The following ZZEF1 variants were observed in gnomAD, a reference collection of about 807,000 sequenced individuals.
ZZEF1 encodes the protein zinc finger ZZ-type and EF-hand domain-containing protein 1.
In ZZEF1, 157 loss-of-function variants were observed where a neutral mutation model predicts 342.8. The observed-to-expected ratio is 0.46, with a 90% CI of 0.40 to 0.52. ZZEF1 has a LOEUF of 0.52. Ranked by LOEUF, ZZEF1 falls within the 20% of genes least tolerant of loss-of-function variation. The pLI, the probability that ZZEF1 is intolerant of heterozygous loss-of-function variation, is 0.00. For missense variants in ZZEF1, 3,480 were observed against 3,725.6 expected (o/e 0.93, Z 1.72); for synonymous variants, 1,505 against 1,429.1 (o/e 1.05, Z -1.20).
chr17:4,010,743 A>AAG (rs2055929780), intron 52 of ZZEF1, among the ~76,000 whole-genome samples: 1 of 117,898 alleles, frequency 8.5e-6, no homozygotes, highest in African/African-American at 3.1e-5. Flanking sequence ...AAAGAAAAAG[A>AAG]AAAAAGAAAA....
chr17:4,048,927 C>T (rs899339048), intron 37 of ZZEF1, among the ~76,000 whole-genome samples: 63 of 145,552 alleles, frequency 4.3e-4, no homozygotes, highest in Admixed American at 1.2e-3. Context: ...ACCCTGTTGG[C>T]CAGGCTGGTC....
In ZZEF1 at chr17:4,070,654, G is replaced by T. The variant is rs534182427; in HGVS notation, c.4075+30C>A. On this transcript the variant is annotated intron_variant, in intron 26 of 54. Coordinates refer to ENST00000381638, the MANE Select transcript of ZZEF1 (RefSeq NM_015113.4). ...CTTAAAACTTAGCAATTAGCCTTCA[G>T]ATCAAAAATATTCCCTGTAATAAAG... 4 of 1,601,626 alleles carry T rather than the reference G, an allele frequency of 2.5e-6. No individual in the cohort carries two copies. In the South Asian group the frequency reaches 4.5e-5, roughly 18 times the overall value.
chr17:4,109,686 G>C lies in ZZEF1; in HGVS notation c.1244C>G (p.Pro415Arg), dbSNP rs1009342927. 5 of 1,613,994 alleles carry C rather than the reference G, an allele frequency of 3.1e-6. No homozygotes were observed. Among genetic ancestry groups the C allele is most frequent in the Non-Finnish European group, 4.2e-6 (5 of 1,180,012 alleles). ...SLVTASMETN[P>R]AFVQTVLHNT... ...GTGCAGCACTGTCTGGACAAAGGCG[G>C]GATTTGTCTCCATAGAAGCCGTCAC... The change falls in exon 6 of 55, where the codon CCC (proline) becomes CGC (arginine). Residue 415 changes from proline to arginine, a missense_variant. Pro to Arg is a moderately radical substitution (Grantham distance 103, BLOSUM62 -2). Coordinates refer to ENST00000381638, the MANE Select transcript of ZZEF1 (RefSeq NM_015113.4).
At chr17:4,064,877 A>T in intron 28 of ZZEF1, 48 bp from the exon 29 acceptor site, 174 of 979,880 alleles carry the variant, frequency 1.8e-4, no homozygotes, top group Non-Finnish European at 2.4e-4. Context: ...AGTTAAAATT[A>T]TGGGGGAGGG....
Position 4,008,694 on chromosome 17 carries a change from CT to C in ZZEF1, c.8805+188del, listed in dbSNP as rs1191487704. ...ACCCCACAGTTTAGAGTGAATGACT[CT>C]GATAAATGGGGCTCGTGCATGCTCT... On this transcript the variant is annotated intron_variant, in intron 54 of 54. Transcript: ENST00000381638. This position sits in a 1 kb window ranked among gnomAD's most constrained non-coding sequence, Gnocchi z 4.2. 2 of 1,361,314 alleles carry C rather than the reference CT, an allele frequency of 1.5e-6. No individual in the cohort carries two copies. The highest frequency in any genetic ancestry group is 3.4e-5 in the Admixed American group (1 of 29,594). 84.3% of individuals were successfully genotyped at this position (1,361,314 alleles called of 1,614,324 possible).
chr17:4,068,433 C>T (rs1393615752), intron 26 of ZZEF1, among the ~76,000 whole-genome samples: 2 of 152,086 alleles, frequency 1.3e-5, no homozygotes, highest in Non-Finnish European at 2.9e-5. Context: ...ATTACAGGCA[C>T]CTGCCACCAC....
chr17:4,094,245 G>T (rs1392052097), intron 11 of ZZEF1, among the ~76,000 whole-genome samples: 1 of 152,116 alleles, frequency 6.6e-6, no homozygotes, highest in African/African-American at 2.4e-5. Context: ...GGGCTCAAGG[G>T]ATCCTCCCGC....
chr17:4,048,130 G>A (rs2056964791), intron 37 of ZZEF1, among the ~76,000 whole-genome samples: 1 of 152,112 alleles, frequency 6.6e-6, no homozygotes, highest in Non-Finnish European at 1.5e-5. Flanking sequence ...TCAAAGGTGA[G>A]GACTACTGAT....
intron 1 of ZZEF1, among the ~76,000 whole-genome samples, chr17:4,131,712 C>T (rs1401623115): frequency 2.6e-5 from 4 of 151,618 alleles, no homozygotes; most frequent in South Asian, 2.1e-4. Flanking sequence ...CCTAGGGGGT[C>T]GAGGTGCAGT....
chr17:4,142,979 C>A lies in ZZEF1; in HGVS notation c.-84G>T. 7.9e-7 allele frequency: 1 copy of A among 1,261,648 alleles called. No homozygotes were observed. The highest frequency in any genetic ancestry group is 9.9e-7 in the Non-Finnish European group (1 of 1,007,390). The allele number at this position is 1,261,648 out of a possible 1,614,324, so 78.2% of individuals were successfully genotyped here. A position where few individuals can be genotyped will look rare whatever the true frequency, so the allele number is the denominator to read the frequency against. ...CCTGTCAACCTCCGACAGCAGCTGGCGGGCGGGGACGCGGAGGAGACGACG... is the reference window on the plus strand; with the variant it reads ...CCTGTCAACCTCCGACAGCAGCTGGAGGGCGGGGACGCGGAGGAGACGACG... On this transcript the variant is annotated 5_prime_UTR_variant, in exon 1 of 55. Coordinates refer to ENST00000381638, the MANE Select transcript of ZZEF1 (RefSeq NM_015113.4).
intron 7 of ZZEF1, among the ~76,000 whole-genome samples, 192 bp downstream of exon 7, chr17:4,105,501 T>C (rs1330330107): frequency 1.3e-5 from 2 of 152,202 alleles, no homozygotes; most frequent in Non-Finnish European, 2.9e-5. Flanking sequence ...TCCCAATTCT[T>C]CAGGTCAGGT....
chr17:4,012,030 G>C (rs1049927673), intron 52 of ZZEF1, among the ~76,000 whole-genome samples: 2 of 152,248 alleles, frequency 1.3e-5, no homozygotes, highest in African/African-American at 4.8e-5. Flanking sequence ...TCCGGGCTCG[G>C]GACAGAGGGT....
chr17:4,086,337 CCCACAGCGGCAATCCCTTTCT>C, intron 15 of ZZEF1, 128 bp downstream of exon 15: 1 of 535,232 alleles, frequency 1.9e-6, no homozygotes, highest in Non-Finnish European at 3.2e-6. Context: ...CTGGGGGATT[CCCACAGCGGCAATCCCTTTCT>C]GGGGGATTCC....
chr17:4,068,828 C>T (rs1268851869), intron 26 of ZZEF1, among the ~76,000 whole-genome samples: 1 of 152,192 alleles, frequency 6.6e-6, no homozygotes, highest in Non-Finnish European at 1.5e-5. Flanking sequence ...AACTCCTCCC[C>T]ACCCTTTCTA....
intron 29 of ZZEF1, 90 bp from the exon 30 acceptor site, chr17:4,063,007 A>C: frequency 7.6e-7 from 1 of 1,322,760 alleles, no homozygotes. Flanking sequence ...GATGCCATAT[A>C]TCAAAGAGGA....
At chr17:4,100,819 A>C (rs2058115256) in intron 9 of ZZEF1, among the ~76,000 whole-genome samples, 1 of 152,234 alleles carries the variant, frequency 6.6e-6, no homozygotes, top group Non-Finnish European at 1.5e-5. Context: ...TGGGCGATAG[A>C]GTGAGACTTC....
chr17:4,112,297 C>T (rs1233938761), intron 5 of ZZEF1, among the ~76,000 whole-genome samples: 1 of 150,764 alleles, frequency 6.6e-6, no homozygotes, highest in Non-Finnish European at 1.5e-5. Context: ...AGGTACCCAC[C>T]CCCACGCCTG....
intron 38 of ZZEF1, 55 bp from the exon 39 acceptor site, chr17:4,042,623 G>A: frequency 6.3e-7 from 1 of 1,577,168 alleles, no homozygotes; most frequent in Non-Finnish European, 8.6e-7. Context: ...TGTATGAAGA[G>A]GCAAGTAAAC....
intron 19 of ZZEF1, among the ~76,000 whole-genome samples, chr17:4,077,439 T>C (rs532343764): frequency 6.6e-6 from 1 of 152,318 alleles, no homozygotes; most frequent in Non-Finnish European, 1.5e-5. Context: ...ACCCGTTGGG[T>C]TTCATATAAT....
Sources: gnomAD v4.1 joint callset for allele counts (sites outside exome capture counted in the v4.1 genomes callset) on GRCh38, gnomAD v4.1.1 for gene constraint, Gnocchi (gnomAD v3.1) non-coding constraint, MANE v1.5 for transcripts, NCBI Gene and HGNC (gene_info 2026-07-23, HGNC 2026-07-21) for gene names.